DMD: variants seen among roughly 807,000 people sequenced by gnomAD.
The protein encoded by DMD is mutant dystrophin.
In DMD, 63 loss-of-function variants were observed where a neutral mutation model predicts 330.1. That is an observed-to-expected ratio of 0.19 (90% CI 0.16 to 0.24). The LOEUF (loss-of-function observed/expected upper bound fraction) is 0.24. DMD is among the 10% of genes least tolerant of loss of function. The probability of loss-of-function intolerance (pLI) is 1.00; values close to 1 mark genes in which losing one functional copy is unlikely to be tolerated. For synonymous variants in DMD, 1,223 were observed against 959.8 expected, an observed-to-expected ratio of 1.27 and a Z score of -5.07; for missense variants, 3,344 against 2,684.1, an observed-to-expected ratio of 1.25 and a Z score of -5.43.
At chrX:32,759,430 T>C (rs998471313) in intron 7 of DMD, among the ~76,000 whole-genome samples, 2 of 111,865 alleles carry the variant, frequency 1.8e-5, no homozygotes, top group South Asian at 7.5e-4. Context: ...TTCATTCTGA[T>C]TTCCAGGTAG....
intron 2 of DMD, among the ~76,000 whole-genome samples, chrX:33,018,904 AG>A (rs34398593): frequency 0.41 from 44,731 of 110,418 alleles, 6,568 homozygotes; most frequent in South Asian, 0.52. Flanking sequence ...AAAAAAGTTG[AG>A]GATTTAAAAA....
At chrX:33,281,760 G>A (rs988048438) in intron 1 of DMD, among the ~76,000 whole-genome samples, 1 of 107,557 alleles carries the variant, frequency 9.3e-6, no homozygotes, top group Non-Finnish European at 1.9e-5. Context: ...ACTTTTATGG[G>A]CTGTGGTCCC....
intron 9 of DMD, among the ~76,000 whole-genome samples, chrX:32,692,799 T>C (rs776257645): frequency 3.6e-5 from 4 of 112,083 alleles, no homozygotes; most frequent in Non-Finnish European, 7.5e-5. Flanking sequence ...ATAAAAATTT[T>C]CTCAGATCAG....
intron 17 of DMD, among the ~76,000 whole-genome samples, chrX:32,520,455 C>T (rs948874933): frequency 9.0e-6 from 1 of 111,700 alleles, no homozygotes; most frequent in African/African-American, 3.3e-5. Flanking sequence ...TATCTGCAAG[C>T]ATCTATTTGC....
At chrX:31,977,158 A>G (rs2095441893) in intron 44 of DMD, among the ~76,000 whole-genome samples, 2 of 111,869 alleles carry the variant, frequency 1.8e-5, no homozygotes, top group African/African-American at 6.5e-5. Flanking sequence ...TATATCACCA[A>G]GTACAGCGCT....
At chrX:33,314,567 TTTG>T (rs1432274387) in intron 1 of DMD, among the ~76,000 whole-genome samples, 2 of 65,610 alleles carry the variant, frequency 3.0e-5, no homozygotes, top group African/African-American at 4.9e-5. Flanking sequence ...CTGTTTTTTT[TTTG>T]TTTTTTTTTT....
intron 44 of DMD, among the ~76,000 whole-genome samples, chrX:32,122,653 G>A (rs764825662): frequency 3.6e-5 from 4 of 111,190 alleles, no homozygotes; most frequent in South Asian, 7.7e-4. Flanking sequence ...TGAGCTCCCC[G>A]TCACAGCACA....
intron 1 of DMD, among the ~76,000 whole-genome samples, chrX:33,022,228 AAT>A (rs1358810707): frequency 6.3e-5 from 7 of 111,383 alleles, no homozygotes; most frequent in Non-Finnish European, 1.1e-4. Flanking sequence ...CCAAAAGCTC[AAT>A]ATGAGGTCTT....
chrX:32,475,814 A>G (rs1190022616), intron 21 of DMD, among the ~76,000 whole-genome samples: 3 of 110,780 alleles, frequency 2.7e-5, no homozygotes, highest in African/African-American at 6.5e-5. Context: ...ATGATCATAT[A>G]GTCGGCAAAC....
intron 2 of DMD, among the ~76,000 whole-genome samples, chrX:32,904,975 CTT>C (rs2149315222): frequency 8.9e-6 from 1 of 112,352 alleles, no homozygotes; most frequent in East Asian, 2.8e-4. Flanking sequence ...AGACTCCACT[CTT>C]TTGCTAGGTT....
intron 3 of DMD, among the ~76,000 whole-genome samples, chrX:32,848,012 T>C (rs1240302304): frequency 2.7e-5 from 3 of 112,011 alleles, no homozygotes; most frequent in Non-Finnish European, 5.6e-5. Flanking sequence ...GGATCTGAAA[T>C]TCATTATCTT....
chrX:32,791,694 C>G (rs1462457187), intron 7 of DMD, among the ~76,000 whole-genome samples: 1 of 111,429 alleles, frequency 9.0e-6, no homozygotes, highest in African/African-American at 3.3e-5. Context: ...CAAAAAATAA[C>G]AAAAAATTTT....
intron 44 of DMD, 75 bp downstream of exon 44, chrX:32,216,841 T>G: frequency 1.0e-6 from 1 of 980,091 alleles, no homozygotes; most frequent in East Asian, 3.2e-5. Context: ...CTTCAGAACC[T>G]GATCTTTAAG....
rs559717128 is a variant in DMD, at chrX:31,499,650, C to A, written c.8391-2706G>T. ...GGGATTACAGGCGCCCACCACCACA[C>A]CCAGCTAATTTTTGGTATTTTTAGT... is the stretch of plus-strand genomic sequence containing the variant. On this transcript the variant is annotated intron_variant, in intron 56 of 78. Coordinates refer to ENST00000357033, the MANE Select transcript of DMD (RefSeq NM_004006.3). Among the ~76,000 whole-genome samples the A allele has an allele frequency of 1.4e-4, 16 of 110,591 alleles. No homozygotes were observed. The South Asian group carries it at 3.6e-3, about 25-fold the overall frequency.
chrX:32,324,644 A>C (rs768880055), intron 41 of DMD, among the ~76,000 whole-genome samples: 2 of 111,652 alleles, frequency 1.8e-5, no homozygotes, highest in East Asian at 2.8e-4. Flanking sequence ...CATTCTACAT[A>C]AGGTAAAAAT....
chrX:31,550,052 A>T (rs771383390), intron 55 of DMD, among the ~76,000 whole-genome samples: 5 of 111,748 alleles, frequency 4.5e-5, no homozygotes, highest in Admixed American at 9.5e-5. Flanking sequence ...GTTTTGAGTC[A>T]TCTAAGCAAT....
At chrX:32,093,641 A>G (rs1381941426) in intron 44 of DMD, among the ~76,000 whole-genome samples, 1 of 111,704 alleles carries the variant, frequency 9.0e-6, no homozygotes, top group Non-Finnish European at 1.9e-5. Context: ...AACACATGAG[A>G]TTTACGACTA....
intron 2 of DMD, among the ~76,000 whole-genome samples, chrX:32,921,956 A>G (rs958908419): frequency 1.8e-5 from 2 of 111,353 alleles, no homozygotes; most frequent in African/African-American, 3.3e-5. Flanking sequence ...ATGTAAGGTT[A>G]TATAAGAGAT....
chrX:32,489,152 G>A (rs2042752926), intron 20 of DMD, among the ~76,000 whole-genome samples: 1 of 110,788 alleles, frequency 9.0e-6, no homozygotes, highest in Non-Finnish European at 1.9e-5. Context: ...TCTCTTCTCT[G>A]CTTTCCGTAA....
Sources: gnomAD v4.1 joint callset for allele counts (sites outside exome capture counted in the v4.1 genomes callset) on GRCh38, gnomAD v4.1.1 for gene constraint, MANE v1.5 for transcripts, NCBI Gene and HGNC (gene_info 2026-07-23, HGNC 2026-07-21) for gene names.